Variants in SHH observed in about 807,000 individuals in gnomAD.
The protein encoded by SHH is sonic hedgehog signaling molecule.
Under a neutral mutation model 16.6 loss-of-function variants are expected in SHH, and 3 were observed. That is an observed-to-expected ratio of 0.18 (90% confidence interval 0.08 to 0.47). The LOEUF is 0.47. Among genes scored for constraint, SHH ranks in the 20% least tolerant of loss-of-function variants. The pLI, the probability that SHH is intolerant of heterozygous loss-of-function variation, is 0.98. For synonymous variants in SHH, 351 were observed against 316.2 expected (o/e 1.11, Z -1.17); for missense variants, 499 against 665.0 (o/e 0.75, Z 2.75).
chr7:155,804,465 G>A (rs1408454642), intron 2 of SHH, among the ~76,000 whole-genome samples: 1 of 152,184 alleles, frequency 6.6e-6, no homozygotes, highest in East Asian at 1.9e-4. Flanking sequence ...GACACTCTTG[G>A]AAGGGGACAC....
Position 155,812,231 on chromosome 7 carries a change from C to T in SHH, c.-109G>A, listed in dbSNP as rs549475750. On this transcript the variant is annotated 5_prime_UTR_variant, in exon 1 of 3. Coordinates refer to ENST00000297261, the MANE Select transcript of SHH (RefSeq NM_000193.4). ...TCTCTCTTGCGCTTTCCCTTCCTCGCTCCGGCTCGCCCGCTCGCTCTCTCC... is the reference window on the plus strand; with the variant it reads ...TCTCTCTTGCGCTTTCCCTTCCTCGTTCCGGCTCGCCCGCTCGCTCTCTCC... 1.9e-6 allele frequency: 2 copies of T among 1,065,192 alleles called. No individual in the cohort carries two copies. Among genetic ancestry groups the T allele is most frequent in the African/African-American group, 1.6e-5 (1 of 64,420 alleles). The allele number at this position is 1,065,192 out of a possible 1,614,324, so 66.0% of individuals were successfully genotyped here. A position where few individuals can be genotyped will look rare whatever the true frequency, so the allele number is the denominator to read the frequency against.
intron 2 of SHH, among the ~76,000 whole-genome samples, chr7:155,806,028 CTGCAGTGGGG>C (rs1488619377): frequency 6.6e-6 from 1 of 152,222 alleles, no homozygotes; most frequent in Non-Finnish European, 1.5e-5. Context: ...TTCCCACCCC[CTGCAGTGGGG>C]GCTCCAGAAG....
chr7:155,803,557 G>A lies in SHH; in HGVS notation c.732C>T (p.Arg244=), dbSNP rs896769031. The change falls in exon 3 of 3, where the codon CGC becomes CGT. Residue 244 remains arginine, a synonymous_variant. Coordinates refer to ENST00000297261, the MANE Select transcript of SHH (RefSeq NM_000193.4). ...AGAAGACCTTCTTGGCGCCGTCGTC[G>A]CGGTCCAGGAAAGTGAGGAAGTCGC... ...LYSDFLTFLD[R]DDGAKKVFYV... The A allele has an allele frequency of 6.3e-7, 1 of 1,597,752 alleles. No homozygotes were observed.
In SHH at chr7:155,812,398, C is replaced by A. The variant is rs1342939811; in HGVS notation, c.-276G>T. The A allele has an allele frequency of 3.6e-6, 2 of 554,084 alleles. No homozygotes were observed. The highest frequency in any genetic ancestry group is 3.3e-6 in the Non-Finnish European group (1 of 307,206). The allele number at this position is 554,084 out of a possible 1,614,324, so 34.3% of individuals were successfully genotyped here. ...ATAACGGAACACATCGGAGTTGGGTCGCGAGACAGCAATCAAAAGACAAAA... is the reference window on the plus strand; with the variant it reads ...ATAACGGAACACATCGGAGTTGGGTAGCGAGACAGCAATCAAAAGACAAAA... On this transcript the variant is annotated 5_prime_UTR_variant, in exon 1 of 3. Coordinates refer to ENST00000297261, the MANE Select transcript of SHH (RefSeq NM_000193.4).
Position 155,812,158 on chromosome 7 carries a change from C to G in SHH, c.-36G>C, listed in dbSNP as rs757530222. ...GAACTGATGACTTCCGAGCTGTCCCCGTGCGGGTCCGTGCGCGAGTGCGCG... is the reference window on the plus strand; with the variant it reads ...GAACTGATGACTTCCGAGCTGTCCCGGTGCGGGTCCGTGCGCGAGTGCGCG... On this transcript the variant is annotated 5_prime_UTR_variant, in exon 1 of 3. Transcript: ENST00000297261. The G allele has an allele frequency of 6.2e-7, 1 of 1,606,202 alleles. No individual in the cohort carries two copies. The highest frequency in any genetic ancestry group is 2.2e-5 in the East Asian group (1 of 44,856).
intron 2 of SHH, 47 bp from the exon 3 acceptor site, chr7:155,803,773 C>T: frequency 1.3e-6 from 2 of 1,511,906 alleles, no homozygotes; most frequent in Non-Finnish European, 1.8e-6. Context: ...GCATTGAGTT[C>T]CGAGAGGGAG....
At position 155,803,323 on chromosome 7, in the gene SHH, G is replaced by T. The variant is rs1422908199; in HGVS notation, c.966C>A (p.Asp322Glu). The change falls in exon 3 of 3, where the codon GAC (aspartate) becomes GAA (glutamate). Residue 322 changes from aspartate to glutamate, a missense_variant. Asp to Glu is a conservative substitution (Grantham distance 45). Around this residue, in one of 4 missense-constraint regions of SHH, gnomAD observed 299 missense variants for 301.1 expected, o/e 0.99. Transcript: ENST00000297261. ...CGGCGGGCAGGAGCCGGCGGTCCCC[G>T]TCACGCTCGGCCACCACGTACACGC... ...GQRVYVVAER[D>E]GDRRLLPAAV... 6.8e-6 allele frequency: 10 copies of T among 1,475,104 alleles called. No homozygotes were observed. The highest frequency in any genetic ancestry group is 8.9e-6 in the Non-Finnish European group (10 of 1,120,934). 91.4% of individuals were successfully genotyped at this position (1,475,104 alleles called of 1,614,324 possible).
intron 2 of SHH, among the ~76,000 whole-genome samples, chr7:155,804,993 C>A (rs2117132967): frequency 6.6e-6 from 1 of 152,322 alleles, no homozygotes; most frequent in South Asian, 2.1e-4. Flanking sequence ...CTGGCGAGCC[C>A]GAGTCGTCGA....
At position 155,812,314 on chromosome 7, in the gene SHH, G is replaced by A. The variant is rs1487924230; in HGVS notation, c.-192C>T. ...ATAACCTTGCCCGCCGCGGCTGCGG[G>A]GGACTCTCCACCGCTCCCCACCCAG... On this transcript the variant is annotated 5_prime_UTR_variant, in exon 1 of 3. Coordinates refer to ENST00000297261, the MANE Select transcript of SHH (RefSeq NM_000193.4). The A allele has an allele frequency of 3.1e-6, 2 of 636,006 alleles. No individual in the cohort carries two copies. Among genetic ancestry groups the A allele is most frequent in the African/African-American group, 1.8e-5 (1 of 55,432 alleles). 39.4% of individuals were successfully genotyped at this position (636,006 alleles called of 1,614,324 possible).
At position 155,800,395 on chromosome 7, in the gene SHH, C is replaced by T. The variant is rs978265357; in HGVS notation, c.*2505G>A. On this transcript the variant is annotated 3_prime_UTR_variant, in exon 3 of 3. Coordinates refer to ENST00000297261, the MANE Select transcript of SHH (RefSeq NM_000193.4). ...CACCCAGGAGTGAGGATTTCCCATCCGGGTGAAGCTCTGCTCCAAGGTGCC... is the reference window on the plus strand; with the variant it reads ...CACCCAGGAGTGAGGATTTCCCATCTGGGTGAAGCTCTGCTCCAAGGTGCC... 3.9e-5 allele frequency: 15 copies of T among 386,362 alleles called. No individual in the cohort carries two copies. In the East Asian group the frequency reaches 8.7e-4, roughly 22 times the overall value. 23.9% of individuals were successfully genotyped at this position (386,362 alleles called of 1,614,324 possible).
At position 155,800,206 on chromosome 7, in the gene SHH, C is replaced by T. The variant is rs907397664; in HGVS notation, c.*2694G>A. The T allele has an allele frequency of 2.1e-6, 1 of 471,054 alleles. No homozygotes were observed. The highest frequency in any genetic ancestry group is 4.4e-6 in the Non-Finnish European group (1 of 227,054). The allele number at this position is 471,054 out of a possible 1,614,324, so 29.2% of individuals were successfully genotyped here. A position where few individuals can be genotyped will look rare whatever the true frequency, so the allele number is the denominator to read the frequency against. On this transcript the variant is annotated 3_prime_UTR_variant, in exon 3 of 3. Coordinates refer to ENST00000297261, the MANE Select transcript of SHH (RefSeq NM_000193.4). ...GGCTGGGCTGCACCCTCTTGATGCC[C>T]TGTACCTAGTGTCTCTAAGCAGTGG...
intron 2 of SHH, among the ~76,000 whole-genome samples, chr7:155,804,948 G>A (rs1803309841): frequency 6.6e-6 from 1 of 152,226 alleles, no homozygotes; most frequent in African/African-American, 2.4e-5. Flanking sequence ...GCCGTTGGAG[G>A]CCCTCCGTAG....
At position 155,803,158 on chromosome 7, in the gene SHH, G is replaced by T; in HGVS notation, c.1131C>A (p.Phe377Leu). 2 of 1,439,844 alleles carry T rather than the reference G, an allele frequency of 1.4e-6. No individual in the cohort carries two copies. Among genetic ancestry groups the T allele is most frequent in the Non-Finnish European group, 1.8e-6 (2 of 1,094,112 alleles). 89.2% of individuals were successfully genotyped at this position (1,439,844 alleles called of 1,614,324 possible). Residue 377 changes from phenylalanine to leucine, a missense_variant, in exon 3 of 3, where the codon TTC (phenylalanine) becomes TTA (leucine). Transcript: ENST00000297261. ...IEEHSWAHRA[F>L]APFRLAHALL... is the part of the protein sequence containing the mutation. ...GCGCGTGCGCCAGGCGGAAGGGCGC[G>T]AAGGCCCGGTGCGCCCAGCTGTGCT...
Position 155,806,363 on chromosome 7 carries a change from C to A in SHH, c.495G>T (p.Ala165=). The A allele has an allele frequency of 6.2e-6, 10 of 1,613,598 alleles. No individual in the cohort carries two copies. In the African/African-American group the frequency reaches 8.0e-5, roughly 13 times the overall value. The change falls in exon 2 of 3, where the codon GCG becomes GCT. Residue 165 remains alanine (A), a synonymous_variant. Coordinates refer to ENST00000297261, the MANE Select transcript of SHH (RefSeq NM_000193.4). ...RSKYGMLARL[A]VEAGFDWVYY... ...ACACCCAGTCGAAGCCGGCCTCCAC[C>A]GCCAGGCGGGCCAGCATGCCGTACT...
In SHH at chr7:155,801,545, G is replaced by A. The variant is rs1034601831; in HGVS notation, c.*1355C>T. ...CACATCAGGCTTTGCTAGTTAAGGG[G>A]TGGGGTGAGGGGGACAGCACAGTCC... On this transcript the variant is annotated 3_prime_UTR_variant, in exon 3 of 3. Transcript: ENST00000297261. The A allele has an allele frequency of 2.6e-5, 4 of 152,266 alleles. No homozygotes were observed. The highest frequency in any genetic ancestry group is 4.4e-5 in the Non-Finnish European group (3 of 68,070). 9.4% of individuals were successfully genotyped at this position (152,266 alleles called of 1,614,324 possible).
intron 1 of SHH, chr7:155,806,929 C>T (rs1234618949): frequency 9.5e-6 from 3 of 316,606 alleles, no homozygotes; most frequent in Non-Finnish European, 1.8e-5. Context: ...CTCTGGGATA[C>T]CCGCCCCGCC....
chr7:155,806,922 TGG>T, intron 1 of SHH: 4 of 331,594 alleles, frequency 1.2e-5, no homozygotes, highest in East Asian at 7.3e-5. Context: ...GGGCACCCTC[TGG>T]GATACCCGCC....
Position 155,803,500 on chromosome 7 carries a change from G to T in SHH, c.789C>A (p.Arg263=). Residue 263 remains arginine (R), a synonymous_variant, in exon 3 of 3, where the codon CGC becomes CGA. Transcript: ENST00000297261. ...GCAGGTGCGCGGCGGTGAGCAGCAG[G>T]CGCTCGCGCGGCTCCCGCGTCTCGA... ...YVIETREPRE[R]LLLTAAHLLF... is the part of the protein sequence containing the mutation. 1 of 1,574,016 alleles carries T rather than the reference G, an allele frequency of 6.4e-7. No individual in the cohort carries two copies. The highest frequency in any genetic ancestry group is 8.6e-7 in the Non-Finnish European group (1 of 1,164,852).
In SHH at chr7:155,803,207, G is replaced by A. The variant is rs757501714; in HGVS notation, c.1082C>T (p.Ala361Val). The A allele has an allele frequency of 1.6e-5, 24 of 1,505,648 alleles. No homozygotes were observed. Among genetic ancestry groups the A allele is most frequent in the Admixed American group, 2.1e-5 (1 of 46,892 alleles). The allele number at this position is 1,505,648 out of a possible 1,614,324, so 93.3% of individuals were successfully genotyped here. ...QGTILINRVLASCYAVIEEHS... is the reference protein window; with the variant it reads ...QGTILINRVLVSCYAVIEEHS... ...CTCCTCGATGACCGCGTAGCACGAGGCCAGCACCCGGTTGATGAGAATGGT... is the reference window on the plus strand; with the variant it reads ...CTCCTCGATGACCGCGTAGCACGAGACCAGCACCCGGTTGATGAGAATGGT... Residue 361 changes from alanine (A) to valine (V), a missense_variant, in exon 3 of 3, where the codon GCC (alanine) becomes GTC (valine). Around this residue, in one of 4 missense-constraint regions of SHH, gnomAD observed 299 missense variants for 301.1 expected, o/e 0.99. Transcript: ENST00000297261.
Sources: gnomAD v4.1 joint callset for allele counts (sites outside exome capture counted in the v4.1 genomes callset) on GRCh38, gnomAD v4.1.1 for gene constraint, gnomAD v4.1.1 regional missense constraint, MANE v1.5 for transcripts, NCBI Gene and HGNC (gene_info 2026-07-23, HGNC 2026-07-21) for gene names.